Variants in NRXN3 observed in about 807,000 individuals in gnomAD.
NRXN3 encodes neurexin III.
NRXN3 carries 32 observed loss-of-function variants against 137.6 expected under a neutral mutation model. The ratio of observed to expected loss-of-function variants is 0.23; its 90% CI spans 0.18 to 0.31. The LOEUF is 0.31. Among genes scored for constraint, NRXN3 ranks in the 10% least tolerant of loss-of-function variants. The pLI, the probability that NRXN3 is intolerant of heterozygous loss-of-function variation, is 1.00. For synonymous variants in NRXN3, 798 were observed against 784.5 expected, an observed-to-expected ratio of 1.02 and a Z score of -0.29; for missense variants, 1,574 against 2,062.5, an observed-to-expected ratio of 0.76 and a Z score of 4.59.
rs914800614 is a variant in NRXN3 at position 79,646,223 on chromosome 14, T to A, written c.3445-17555T>A. ...CATTGCAATAAATATGGTGATCATA[T>A]GTATCCCTTGGGATTTGGGGTTGAC... On this transcript the variant is annotated intron_variant, in intron 16 of 20. Coordinates refer to ENST00000335750, the MANE Select transcript of NRXN3 (RefSeq NM_001330195.2). Among the ~76,000 whole-genome samples the A allele has an allele frequency of 2.3e-4, 31 of 135,092 alleles. 1 individual carries two copies. Among genetic ancestry groups the A allele is most frequent in the African/African-American group, 7.6e-4 (31 of 40,670 alleles). The allele number at this position is 135,092 out of a possible 152,430, so 88.6% of individuals were successfully genotyped here.
chr14:78,263,754 A>G (rs2071189864), intron 2 of NRXN3, among the ~76,000 whole-genome samples: 1 of 152,110 alleles, frequency 6.6e-6, no homozygotes, highest in African/African-American at 2.4e-5. Flanking sequence ...TGCCACATCC[A>G]ATTTTCTCAC....
At chr14:78,672,979 T>C (rs905903615) in intron 6 of NRXN3, among the ~76,000 whole-genome samples, 12 of 152,198 alleles carry the variant, frequency 7.9e-5, no homozygotes, top group Non-Finnish European at 5.9e-5. Context: ...ATTTGAAAAT[T>C]GTGGACTCTG....
chr14:79,468,992 A>T (rs539973974), intron 16 of NRXN3, among the ~76,000 whole-genome samples: 1 of 152,222 alleles, frequency 6.6e-6, no homozygotes, highest in Non-Finnish European at 1.5e-5. Context: ...ACTACACTTT[A>T]TCTTTATTTG....
rs115025766 is a variant in NRXN3 at position 79,369,294 on chromosome 14, G to A, written c.3263-97927G>A. Among the ~76,000 whole-genome samples the A allele has an allele frequency of 4.5e-3, 691 of 152,222 alleles. 2 individuals are homozygous for A. The highest frequency in any genetic ancestry group is 0.016 in the African/African-American group (651 of 41,548). ...AGTAGAGTATTTGATGAATTCTTCC[G>A]TCCATTCTATTTTGGCTTCTATGTC... is the stretch of plus-strand genomic sequence containing the variant. On this transcript the variant is annotated intron_variant, in intron 15 of 20. Transcript: ENST00000335750.
At chr14:79,017,159 C>T (rs2099580631) in intron 15 of NRXN3, among the ~76,000 whole-genome samples, 1 of 152,016 alleles carries the variant, frequency 6.6e-6, no homozygotes, top group African/African-American at 2.4e-5. Context: ...TGACCCCATA[C>T]ATTGGCTAAC....
Position 78,356,827 on chromosome 14 carries a change from C to T in NRXN3, c.757+58967C>T, listed in dbSNP as rs564279039. ...TTATTTTATTTTTTTCTGGACTACT[C>T]AGCAAAAAAGGGAAATTGGTGCCAT... is the stretch of plus-strand genomic sequence containing the variant. On this transcript the variant is annotated intron_variant, in intron 4 of 20. Coordinates refer to ENST00000335750, the MANE Select transcript of NRXN3 (RefSeq NM_001330195.2). Among the ~76,000 whole-genome samples, 6 of 152,136 alleles carry T rather than the reference C, an allele frequency of 3.9e-5. No homozygotes were observed. In the South Asian group the frequency reaches 1.2e-3, roughly 32 times the overall value.
intron 10 of NRXN3, among the ~76,000 whole-genome samples, chr14:78,815,988 A>G (rs538202227): frequency 3.9e-5 from 6 of 152,318 alleles, no homozygotes; most frequent in Middle Eastern, 3.4e-3. Context: ...TAAGCAAGCT[A>G]TAAGCATTGC....
chr14:79,768,770 A>G (rs1019668543), intron 19 of NRXN3, among the ~76,000 whole-genome samples: 4 of 152,260 alleles, frequency 2.6e-5, no homozygotes, highest in East Asian at 1.9e-4. Flanking sequence ...AAAGCTGGAC[A>G]GAGAATGACT....
intron 15 of NRXN3, among the ~76,000 whole-genome samples, chr14:79,218,215 A>G (rs996976676): frequency 2.0e-5 from 3 of 152,202 alleles, no homozygotes; most frequent in Non-Finnish European, 2.9e-5. Context: ...TCCTTTGTAT[A>G]AACACATTTT....
chr14:78,526,744 G>A (rs764777934), intron 4 of NRXN3: 1 of 517,840 alleles, frequency 1.9e-6, no homozygotes, highest in Admixed American at 1.9e-5. Flanking sequence ...GGTAGGTAGG[G>A]ATGATGACTA....
intron 4 of NRXN3, among the ~76,000 whole-genome samples, chr14:78,448,246 C>T (rs117359779): frequency 0.026 from 3,908 of 152,282 alleles, 70 homozygotes; most frequent in Non-Finnish European, 0.034. Context: ...CCCTGAAAGA[C>T]GGCTACTTAT....
intron 15 of NRXN3, among the ~76,000 whole-genome samples, chr14:79,049,951 A>G (rs887789062): frequency 6.6e-6 from 1 of 152,144 alleles, no homozygotes; most frequent in Admixed American, 6.5e-5. Flanking sequence ...TCTGTTTGTT[A>G]GACTCTTTTC....
At chr14:78,438,829 G>T (rs1181994080) in intron 4 of NRXN3, among the ~76,000 whole-genome samples, 1 of 152,132 alleles carries the variant, frequency 6.6e-6, no homozygotes, top group Non-Finnish European at 1.5e-5. Flanking sequence ...CTGAAAGAAA[G>T]AAGGATTTCA....
intron 16 of NRXN3, among the ~76,000 whole-genome samples, chr14:79,565,273 G>GTA (rs767843614): frequency 1.7e-5 from 2 of 119,100 alleles, no homozygotes; most frequent in African/African-American, 7.5e-5. Context: ...ACATGTGTGT[G>GTA]TGTATACATA....
chr14:79,145,456 C>T (rs944338755), intron 15 of NRXN3, among the ~76,000 whole-genome samples: 5 of 151,808 alleles, frequency 3.3e-5, no homozygotes, highest in African/African-American at 1.2e-4. Flanking sequence ...ATTTTTTTAC[C>T]CCAGAGTGAC....
At chr14:79,576,891 A>C (rs551845372) in intron 16 of NRXN3, among the ~76,000 whole-genome samples, 8 of 152,294 alleles carry the variant, frequency 5.3e-5, no homozygotes, top group Admixed American at 5.2e-4. Context: ...TCTTTGAAAT[A>C]TCTTTTCTAA....
chr14:79,289,861 C>A (rs889720401), intron 15 of NRXN3, among the ~76,000 whole-genome samples: 6 of 152,106 alleles, frequency 3.9e-5, no homozygotes, highest in African/African-American at 1.4e-4. Context: ...GAAGTTGTGA[C>A]CAGGATCTTG....
intron 19 of NRXN3, among the ~76,000 whole-genome samples, chr14:79,712,261 T>TTAAC (rs1187420238): frequency 6.6e-6 from 1 of 152,220 alleles, no homozygotes; most frequent in Admixed American, 6.5e-5. Context: ...GTTTGACATA[T>TTAAC]TAACTAATGA....
At chr14:78,612,033 A>G (rs2097304800) in intron 4 of NRXN3, among the ~76,000 whole-genome samples, 1 of 152,166 alleles carries the variant, frequency 6.6e-6, no homozygotes, top group African/African-American at 2.4e-5. Flanking sequence ...GTGCTCTTTG[A>G]CTTGAAAGTG....
Sources: allele counts gnomAD v4.1 joint callset (sites outside exome capture counted in the v4.1 genomes callset), GRCh38; gene constraint gnomAD v4.1.1; transcripts MANE v1.5; gene names NCBI Gene and HGNC (gene_info 2026-07-23, HGNC 2026-07-21).